Variants in FBXW7 observed in about 807,000 individuals in gnomAD.
The protein encoded by FBXW7 is F-box and WD repeat domain containing 7, also known as F-box/WD repeat-containing protein 7.
In FBXW7, 11 loss-of-function variants were observed where a neutral mutation model predicts 86.3. The observed-to-expected ratio is 0.13, with a 90% CI of 0.08 to 0.21. The LOEUF is 0.21. FBXW7 is among the 10% of genes least tolerant of loss of function. The pLI is 1.00. For synonymous variants in FBXW7, 313 were observed against 297.9 expected, an observed-to-expected ratio of 1.05 and a Z score of -0.52; for missense variants, 488 against 847.4, an observed-to-expected ratio of 0.58 and a Z score of 5.27.
At chr4:152,454,617 A>G (rs1180448930) in intron 2 of FBXW7, among the ~76,000 whole-genome samples, 1 of 152,148 alleles carries the variant, frequency 6.6e-6, no homozygotes, top group South Asian at 2.1e-4. Context: ...GGGAACTATA[A>G]TATTTAGGAA....
chr4:152,388,138 ATATT>A (rs1188844669), intron 4 of FBXW7, among the ~76,000 whole-genome samples: 1 of 152,194 alleles, frequency 6.6e-6, no homozygotes, highest in Non-Finnish European at 1.5e-5. Flanking sequence ...GTTCTAAAAG[ATATT>A]TATTTACATG....
intron 2 of FBXW7, among the ~76,000 whole-genome samples, chr4:152,494,959 T>C (rs564544486): frequency 1.7e-4 from 26 of 152,316 alleles, no homozygotes; most frequent in African/African-American, 6.3e-4. Context: ...CTTAAACTAA[T>C]TGTAGGACAT....
At chr4:152,337,228 T>C (rs1276713650) in intron 7 of FBXW7, among the ~76,000 whole-genome samples, 2 of 151,894 alleles carry the variant, frequency 1.3e-5, no homozygotes, top group Non-Finnish European at 1.5e-5. Flanking sequence ...GTAATTAGTA[T>C]GGGAAATCTG....
chr4:152,393,977 G>A (rs1736203929), intron 4 of FBXW7, among the ~76,000 whole-genome samples: 1 of 152,060 alleles, frequency 6.6e-6, no homozygotes, highest in African/African-American at 2.4e-5. Context: ...CATATAATTA[G>A]AGGTTAAAGT....
intron 2 of FBXW7, among the ~76,000 whole-genome samples, chr4:152,496,624 G>C (rs557878231): frequency 6.6e-6 from 1 of 151,142 alleles, no homozygotes; most frequent in South Asian, 2.1e-4. Context: ...GTTGCAGTGA[G>C]CCGAGATCAC....
At chr4:152,424,571 T>C (rs755191065) in intron 2 of FBXW7, among the ~76,000 whole-genome samples, 2 of 152,210 alleles carry the variant, frequency 1.3e-5, no homozygotes, top group Non-Finnish European at 2.9e-5. Flanking sequence ...GCCCACTTGT[T>C]TTAAGCGCCT....
intron 4 of FBXW7, among the ~76,000 whole-genome samples, chr4:152,351,135 T>C (rs1487338284): frequency 1.3e-5 from 2 of 152,102 alleles, no homozygotes; most frequent in Non-Finnish European, 2.9e-5. Context: ...GCTATCCTCA[T>C]GTTTATAAGT....
chr4:152,451,988 A>T (rs1380970958), intron 2 of FBXW7, among the ~76,000 whole-genome samples: 2 of 152,100 alleles, frequency 1.3e-5, no homozygotes, highest in African/African-American at 4.8e-5. Flanking sequence ...TATAATACTA[A>T]GATGTTACTT....
chr4:152,371,752 T>C (rs1408366261), intron 4 of FBXW7, among the ~76,000 whole-genome samples: 1 of 152,010 alleles, frequency 6.6e-6, no homozygotes, highest in Non-Finnish European at 1.5e-5. Flanking sequence ...TTTTGTTCAC[T>C]AATGTATCCC....
intron 2 of FBXW7, among the ~76,000 whole-genome samples, chr4:152,459,991 G>C (rs1350145261): frequency 6.6e-5 from 10 of 152,134 alleles, no homozygotes; most frequent in Admixed American, 6.5e-4. Flanking sequence ...TCGGGGAAGG[G>C]AAATGGGAAA....
chr4:152,508,075 G>GAA, intron 2 of FBXW7, among the ~76,000 whole-genome samples: 1 of 141,006 alleles, frequency 7.1e-6, no homozygotes. Flanking sequence ...GACTCAAAAA[G>GAA]AAAAAAAAAA....
At chr4:152,391,499 A>T (rs1379997465) in intron 4 of FBXW7, among the ~76,000 whole-genome samples, 2 of 152,174 alleles carry the variant, frequency 1.3e-5, no homozygotes, top group East Asian at 3.8e-4. Flanking sequence ...TATGCCTGTA[A>T]TACAAAGATC....
chr4:152,520,470 C>CCAAAAG (rs779099195), intron 2 of FBXW7, among the ~76,000 whole-genome samples: 21 of 151,592 alleles, frequency 1.4e-4, no homozygotes, highest in Non-Finnish European at 2.9e-4. Context: ...TCAATCATTA[C>CCAAAAG]CAAAAGCAAA....
intron 8 of FBXW7, among the ~76,000 whole-genome samples, chr4:152,331,621 G>A (rs1224271058): frequency 6.6e-6 from 1 of 151,950 alleles, no homozygotes; most frequent in Non-Finnish European, 1.5e-5. Flanking sequence ...AGATGATGAA[G>A]TTCTGAACAC....
At chr4:152,430,844 A>G (rs1009625647) in intron 2 of FBXW7, among the ~76,000 whole-genome samples, 2 of 152,342 alleles carry the variant, frequency 1.3e-5, no homozygotes, top group South Asian at 4.1e-4. Context: ...TTTAAAATTA[A>G]TATGTTTACA....
chr4:152,458,962 C>T (rs940858504), intron 2 of FBXW7, among the ~76,000 whole-genome samples: 8 of 152,152 alleles, frequency 5.3e-5, no homozygotes, highest in Non-Finnish European at 8.8e-5. Flanking sequence ...AAAACCAATA[C>T]AGCCCTAACA....
chr4:152,330,454 A>G (rs1187049209), intron 9 of FBXW7, among the ~76,000 whole-genome samples: 1 of 151,996 alleles, frequency 6.6e-6, no homozygotes, highest in African/African-American at 2.4e-5. Flanking sequence ...AATGTGTATG[A>G]CACAGTAAAA....
intron 2 of FBXW7, among the ~76,000 whole-genome samples, chr4:152,464,575 A>G (rs957708496): frequency 6.0e-4 from 92 of 152,340 alleles, no homozygotes; most frequent in Non-Finnish European, 2.2e-4. Flanking sequence ...TAGGAAGGGA[A>G]AATGTTAATT....
chr4:152,441,678 G>A (rs1280492074), intron 2 of FBXW7, among the ~76,000 whole-genome samples: 1 of 152,072 alleles, frequency 6.6e-6, no homozygotes, highest in Admixed American at 6.5e-5. Flanking sequence ...CTTTATTTTT[G>A]AATAACCAAT....
Sources: gnomAD v4.1 joint callset for allele counts (sites outside exome capture counted in the v4.1 genomes callset) on GRCh38, gnomAD v4.1.1 for gene constraint, MANE v1.5 for transcripts, NCBI Gene and HGNC (gene_info 2026-07-23, HGNC 2026-07-21) for gene names.